C3orf22: variants seen among roughly 807,000 people sequenced by gnomAD.
C3orf22 encodes chromosome 3 open reading frame 22.
In C3orf22, 7 loss-of-function variants were observed where a neutral mutation model predicts 10.8. The ratio of observed to expected loss-of-function variants is 0.65; its 90% confidence interval spans 0.37 to 1.22. The LOEUF (loss-of-function observed/expected upper bound fraction) is 1.22. C3orf22 is among the 50% of genes most tolerant of loss of function. The probability of loss-of-function intolerance (pLI) is 0.02; values close to 1 mark genes in which losing one functional copy is unlikely to be tolerated. For missense variants in C3orf22, 173 were observed against 177.0 expected (o/e 0.98, Z 0.13); for synonymous variants, 79 against 78.9 (o/e 1.00, Z 0.00).
intron 4 of C3orf22, among the ~76,000 whole-genome samples, chr3:126,533,159 C>T (rs774335522): frequency 1.5e-4 from 23 of 151,882 alleles, no homozygotes; most frequent in African/African-American, 2.2e-4. Context: ...TATATATATA[C>T]GGTTATGTCA....
intron 4 of C3orf22, among the ~76,000 whole-genome samples, chr3:126,538,986 T>G (rs992756017): frequency 6.6e-6 from 1 of 152,222 alleles, no homozygotes; most frequent in Non-Finnish European, 1.5e-5. Context: ...GATCCCTGGG[T>G]GTCCTTCCAG....
intron 4 of C3orf22, among the ~76,000 whole-genome samples, chr3:126,543,615 C>G (rs1165288502): frequency 6.6e-6 from 1 of 152,210 alleles, no homozygotes; most frequent in Non-Finnish European, 1.5e-5. Flanking sequence ...GGGCCTTGTG[C>G]TGCCTCCCAC....
intron 4 of C3orf22, among the ~76,000 whole-genome samples, chr3:126,540,526 G>A (rs13079087): frequency 0.34 from 51,737 of 151,970 alleles, 9,279 homozygotes; most frequent in African/African-American, 0.45. Context: ...TTGGCATAAC[G>A]CCCTCCAGGT....
chr3:126,543,152 C>G (rs1164863575), intron 4 of C3orf22: 1 of 152,234 alleles, frequency 6.6e-6, no homozygotes, highest in Non-Finnish European at 1.5e-5. Context: ...GCGCCACCTT[C>G]GGTCTCAGTC....
At position 126,551,768 on chromosome 3, in the gene C3orf22, G is replaced by A. The variant is rs1576248119; in HGVS notation, c.215+229C>T. Among the ~76,000 whole-genome samples the A allele has an allele frequency of 4.6e-5, 7 of 152,378 alleles. No homozygotes were observed. In the Middle Eastern group the frequency reaches 0.014, roughly 296 times the overall value. On this transcript the variant is annotated intron_variant, in intron 3 of 3. Transcript: ENST00000318225. ...CCTCCAACTAGGCCTAACCCCGGTG[G>A]CCTGGGCCCTGCCCAGGGAAGGTTC... is the stretch of plus-strand genomic sequence containing the variant.
At chr3:126,553,496 T>C in intron 1 of C3orf22, 66 bp from the exon 2 acceptor site, 1 of 1,023,838 alleles carries the variant, frequency 9.8e-7, no homozygotes, top group Non-Finnish European at 1.5e-6. Context: ...GAGTGATGAG[T>C]ACCCAGCAGG....
At chr3:126,527,308 C>T (rs549637317) in exon 6 of C3orf22, 6 of 152,384 alleles carry the variant, frequency 3.9e-5, no homozygotes, top group Non-Finnish European at 8.8e-5. Flanking sequence ...CTCCCTTCAG[C>T]TGGGAGGGAG....
At chr3:126,529,704 A>G (rs940951487) in intron 4 of C3orf22, among the ~76,000 whole-genome samples, 1 of 152,064 alleles carries the variant, frequency 6.6e-6, no homozygotes, top group African/African-American at 2.4e-5. Flanking sequence ...CCTGTCGTCC[A>G]TCACTGTCTC....
chr3:126,534,822 G>A (rs1025797706), intron 4 of C3orf22, among the ~76,000 whole-genome samples: 5 of 150,742 alleles, frequency 3.3e-5, no homozygotes, highest in Non-Finnish European at 5.9e-5. Flanking sequence ...TCAGCCAGGA[G>A]ACAGACATAC....
chr3:126,550,215 C>A, intron 3 of C3orf22, 137 bp from the exon 4 acceptor site: 1 of 940,458 alleles, frequency 1.1e-6, no homozygotes, highest in South Asian at 1.7e-5. Context: ...CTTGACCTGG[C>A]CCCTTCCACA....
At chr3:126,558,106 C>A (rs558485047) in intron 1 of C3orf22, among the ~76,000 whole-genome samples, 3 of 152,378 alleles carry the variant, frequency 2.0e-5, no homozygotes, top group African/African-American at 7.2e-5. Flanking sequence ...CAGCAGGAGG[C>A]TGCAGAATGG....
Position 126,549,725 on chromosome 3 carries a change from T to G in C3orf22, c.*143A>C. 6.6e-7 allele frequency: 1 copy of G among 1,517,176 alleles called. No homozygotes were observed. Among genetic ancestry groups the G allele is most frequent in the South Asian group, 1.3e-5 (1 of 79,906 alleles). The allele number at this position is 1,517,176 out of a possible 1,614,324, so 94.0% of individuals were successfully genotyped here. On this transcript the variant is annotated 3_prime_UTR_variant, in exon 4 of 4. Coordinates refer to ENST00000318225, the MANE Select transcript of C3orf22 (RefSeq NM_152533.3). The stretch of plus-strand genomic sequence containing the variant: ...GAACTCGCAGTTTATTAGCTTGGTG[T>G]AGCTTTTTGGGGGGACCACAAACCA...
At chr3:126,547,241 C>T (rs765165723), downstream of C3orf22, among the ~76,000 whole-genome samples, 5 of 152,208 alleles carry the variant, frequency 3.3e-5, no homozygotes, top group Non-Finnish European at 5.9e-5. Flanking sequence ...ACTGTGTGAG[C>T]ATTTCTAAAG....
At chr3:126,542,426 C>A in intron 4 of C3orf22, 1 of 1,553,536 alleles carries the variant, frequency 6.4e-7, no homozygotes, top group Admixed American at 1.9e-5. Flanking sequence ...CCCTGGGCCG[C>A]CGCGGCCCCG....
chr3:126,545,671 C>A (rs942544618), downstream of C3orf22, among the ~76,000 whole-genome samples: 10 of 152,232 alleles, frequency 6.6e-5, no homozygotes, highest in African/African-American at 2.4e-4. Flanking sequence ...CTGCATGCAG[C>A]TCCAAATGTG....
chr3:126,538,315 T>C (rs1936842285), intron 4 of C3orf22, among the ~76,000 whole-genome samples: 1 of 152,236 alleles, frequency 6.6e-6, no homozygotes, highest in South Asian at 2.1e-4. Context: ...CTGCCAGGGC[T>C]GCAGACACCT....
chr3:126,539,722 CCCCCACACCACACACACA>C (rs1398624882), intron 4 of C3orf22, among the ~76,000 whole-genome samples: 5 of 108,014 alleles, frequency 4.6e-5, no homozygotes, highest in Non-Finnish European at 9.6e-5. Flanking sequence ...CCACACACAC[CCCCCACACCACACACACA>C]CCCCACACCA....
At chr3:126,545,372 G>T (rs1294901873), downstream of C3orf22, among the ~76,000 whole-genome samples, 2 of 152,242 alleles carry the variant, frequency 1.3e-5, no homozygotes, top group African/African-American at 4.8e-5. Flanking sequence ...TAAAATAAGT[G>T]TAAGTGCTCT....
downstream of C3orf22, among the ~76,000 whole-genome samples, chr3:126,548,013 T>G (rs368213275): frequency 6.6e-6 from 1 of 152,320 alleles, no homozygotes; most frequent in African/African-American, 2.4e-5. Flanking sequence ...TCTTATATAA[T>G]TGAAAAAAGC....
Sources: allele counts gnomAD v4.1 joint callset (sites outside exome capture counted in the v4.1 genomes callset), GRCh38; gene constraint gnomAD v4.1.1; transcripts MANE v1.5; gene names NCBI Gene and HGNC (gene_info 2026-07-23, HGNC 2026-07-21).